Variants in KCND3 observed in about 807,000 individuals in gnomAD.
KCND3 encodes A-type voltage-gated potassium channel KCND3.
Under a neutral mutation model 51.1 loss-of-function variants are expected in KCND3, and 9 were observed. That is an observed-to-expected ratio of 0.18 (90% confidence interval 0.11 to 0.31). The LOEUF (loss-of-function observed/expected upper bound fraction) is 0.31. KCND3 is among the 10% of genes least tolerant of loss of function. KCND3 has a pLI of 1.00. For missense variants in KCND3, 526 were observed against 903.8 expected, an observed-to-expected ratio of 0.58 and a Z score of 5.36; for synonymous variants, 349 against 368.0, an observed-to-expected ratio of 0.95 and a Z score of 0.59.
At chr1:111,814,522 C>T (rs713268) in intron 2 of KCND3, among the ~76,000 whole-genome samples, 25,981 of 152,218 alleles carry the variant, frequency 0.17, 2,269 homozygotes, top group East Asian at 0.22. Context: ...GTATACCTTG[C>T]TGGGTGCTCG....
chr1:111,851,720 G>A (rs1045509076), intron 2 of KCND3, among the ~76,000 whole-genome samples: 4 of 152,242 alleles, frequency 2.6e-5, no homozygotes, highest in African/African-American at 9.6e-5. Flanking sequence ...CCCCAACGCA[G>A]CACCTAGCAG....
intron 2 of KCND3, among the ~76,000 whole-genome samples, chr1:111,857,162 G>A (rs967841191): frequency 6.6e-6 from 1 of 152,196 alleles, no homozygotes; most frequent in African/African-American, 2.4e-5. Flanking sequence ...AGTTTACAAA[G>A]CACTTTTCAT....
chr1:111,898,380 TC>T (rs1670221358), intron 2 of KCND3, among the ~76,000 whole-genome samples: 1 of 152,098 alleles, frequency 6.6e-6, no homozygotes, highest in Non-Finnish European at 1.5e-5. Context: ...CACCTGTACC[TC>T]CACATGCCTG....
At chr1:111,911,995 C>G (rs1208679267) in intron 2 of KCND3, among the ~76,000 whole-genome samples, 1 of 152,174 alleles carries the variant, frequency 6.6e-6, no homozygotes, top group African/African-American at 2.4e-5. Flanking sequence ...AGTGTGCAGG[C>G]ACAATGCCAG....
At chr1:111,969,725 A>G (rs1335748220) in intron 2 of KCND3, among the ~76,000 whole-genome samples, 1 of 152,140 alleles carries the variant, frequency 6.6e-6, no homozygotes, top group Non-Finnish European at 1.5e-5. Flanking sequence ...TACTCATTCA[A>G]TCTTCAGTGG....
rs1409207686 is a variant in KCND3, at chr1:111,772,276, TG to T, written c.*3800del. On this transcript the variant is annotated 3_prime_UTR_variant, in exon 8 of 8. Transcript: ENST00000302127. ...CTCTTCATTGAGAAGAGAAAATATT[TG>T]ACTAAAAAAAATTGACTCTTCACTT... 1 of 152,162 alleles carries T rather than the reference TG, an allele frequency of 6.6e-6. No individual in the cohort carries two copies. Among genetic ancestry groups the T allele is most frequent in the Non-Finnish European group, 1.5e-5 (1 of 68,010 alleles). The allele number at this position is 152,162 out of a possible 1,614,324, so 9.4% of individuals were successfully genotyped here.
intron 2 of KCND3, among the ~76,000 whole-genome samples, chr1:111,790,397 C>T (rs1276051879): frequency 6.6e-6 from 1 of 152,056 alleles, no homozygotes; most frequent in Non-Finnish European, 1.5e-5. Context: ...CTGCTGACAC[C>T]CCAATAGGAA....
intron 2 of KCND3, among the ~76,000 whole-genome samples, chr1:111,955,074 T>G (rs992082725): frequency 2.3e-4 from 35 of 152,198 alleles, no homozygotes; most frequent in Admixed American, 1.3e-4. Flanking sequence ...TTCCTCTGCC[T>G]CTATTTCTCT....
chr1:111,893,826 G>T (rs978422843), intron 2 of KCND3, among the ~76,000 whole-genome samples: 8 of 152,206 alleles, frequency 5.3e-5, no homozygotes, highest in Non-Finnish European at 1.2e-4. Context: ...CTGACATGGG[G>T]ATAAGGTCAG....
chr1:111,915,614 G>A (rs977167127), intron 2 of KCND3, among the ~76,000 whole-genome samples: 56 of 151,960 alleles, frequency 3.7e-4, no homozygotes, highest in African/African-American at 1.3e-3. Flanking sequence ...TCAGCTGGGC[G>A]TGGTGGTGGG....
chr1:111,875,703 A>T (rs1669019776), intron 2 of KCND3, among the ~76,000 whole-genome samples: 1 of 152,182 alleles, frequency 6.6e-6, no homozygotes, highest in Admixed American at 6.5e-5. Flanking sequence ...TCCCCCTGGG[A>T]CACTCTACAA....
intron 2 of KCND3, among the ~76,000 whole-genome samples, chr1:111,873,403 A>C (rs549733824): frequency 5.3e-5 from 8 of 152,296 alleles, no homozygotes; most frequent in Admixed American, 5.2e-4. Context: ...GTATGGAGGC[A>C]CCTGTGGCAT....
At chr1:111,873,855 T>G (rs1283185963) in intron 2 of KCND3, among the ~76,000 whole-genome samples, 1 of 151,824 alleles carries the variant, frequency 6.6e-6, no homozygotes, top group Admixed American at 6.6e-5. Flanking sequence ...TACTCAAGAT[T>G]CATAAAATAT....
rs71673442 is a variant in KCND3, at chr1:111,921,322, G to T, written c.1106+60299C>A. ...ATAAGGGCCCTCGAATCTCTTCCAT[G>T]AAGCCAGAGCAGCTCCCTCAAGCAG... On this transcript the variant is annotated intron_variant, in intron 2 of 7. Coordinates refer to ENST00000302127, the MANE Select transcript of KCND3 (RefSeq NM_001378969.1). Among the ~76,000 whole-genome samples the T allele has an allele frequency of 5.6e-3, 846 of 152,322 alleles. 7 individuals carry two copies. The highest frequency in any genetic ancestry group is 8.7e-3 in the Non-Finnish European group (593 of 68,022).
At chr1:111,916,165 C>A (rs1398594904) in intron 2 of KCND3, among the ~76,000 whole-genome samples, 1 of 152,090 alleles carries the variant, frequency 6.6e-6, no homozygotes, top group South Asian at 2.1e-4. Flanking sequence ...TAAGATAAGA[C>A]CGTATTCTAG....
intron 2 of KCND3, among the ~76,000 whole-genome samples, chr1:111,798,444 GACAT>G (rs1665153994): frequency 6.6e-6 from 1 of 151,978 alleles, no homozygotes; most frequent in Non-Finnish European, 1.5e-5. Context: ...TTTATGCCCT[GACAT>G]ACCTCCCCAA....
chr1:111,918,168 T>C (rs1346501909), intron 2 of KCND3, among the ~76,000 whole-genome samples: 1 of 152,214 alleles, frequency 6.6e-6, no homozygotes, highest in Non-Finnish European at 1.5e-5. Flanking sequence ...GTGGCTTAGA[T>C]TTAATGAAAT....
At chr1:111,795,476 A>G (rs1665015509) in intron 2 of KCND3, among the ~76,000 whole-genome samples, 1 of 152,238 alleles carries the variant, frequency 6.6e-6, no homozygotes, top group Non-Finnish European at 1.5e-5. Flanking sequence ...AGGTACTATT[A>G]GCCCCATTTT....
chr1:111,832,096 G>A (rs559882973), intron 2 of KCND3, among the ~76,000 whole-genome samples: 1 of 152,218 alleles, frequency 6.6e-6, no homozygotes, highest in African/African-American at 2.4e-5. Flanking sequence ...CCACACCACA[G>A]GTCTCCCCTT....
Sources: gnomAD v4.1 joint callset for allele counts (sites outside exome capture counted in the v4.1 genomes callset) on GRCh38, gnomAD v4.1.1 for gene constraint, MANE v1.5 for transcripts, NCBI Gene and HGNC (gene_info 2026-07-23, HGNC 2026-07-21) for gene names.